The following INSL3 variants were observed in gnomAD, a reference collection of about 807,000 sequenced individuals.
INSL3 encodes the protein insulin like 3.
INSL3 carries 6 observed loss-of-function variants against 5.5 expected under a neutral mutation model. The ratio of observed to expected loss-of-function variants is 1.08; its 90% CI spans 0.59 to 2.14. The LOEUF (loss-of-function observed/expected upper bound fraction) is 2.14, where lower values mean the gene tolerates loss of function less well. Among genes scored for constraint, INSL3 ranks in the 30% most tolerant of loss-of-function variants. The pLI is 0.00. For missense variants in INSL3, 178 were observed against 184.7 expected, an observed-to-expected ratio of 0.96 and a Z score of 0.21; for synonymous variants, 86 against 82.1, an observed-to-expected ratio of 1.05 and a Z score of -0.26.
At chr19:17,818,571 G>A (rs867912326) in intron 1 of INSL3, among the ~76,000 whole-genome samples, 1 of 151,874 alleles carries the variant, frequency 6.6e-6, no homozygotes, top group Admixed American at 6.6e-5. Flanking sequence ...ACCCGAGATC[G>A]TGCCACTGCA....
chr19:17,820,486 CCT>C (rs2094193850), intron 1 of INSL3: 1 of 299,416 alleles, frequency 3.3e-6, no homozygotes, highest in African/African-American at 2.4e-5. Context: ...AGTGAGACTC[CCT>C]CTCTACGAAA....
In INSL3 at chr19:17,818,630, G is replaced by C. The variant is rs527874643; in HGVS notation, c.191-1571C>G. On this transcript the variant is annotated intron_variant, in intron 1 of 1. Coordinates refer to ENST00000317306, the MANE Select transcript of INSL3 (RefSeq NM_005543.4). ...GACTGTCTCAAAAGAAAAAAAAAAG[G>C]ACTTATGAAAATTTAGAGGGTTGTT... Among the ~76,000 whole-genome samples, 51 of 151,600 alleles carry C rather than the reference G, an allele frequency of 3.4e-4. No homozygotes were observed. In the South Asian group the frequency reaches 1.0e-2, roughly 30 times the overall value.
At chr19:17,820,501 G>GAA in intron 1 of INSL3, 2 of 266,866 alleles carry the variant, frequency 7.5e-6, no homozygotes, top group East Asian at 1.5e-4. Flanking sequence ...CTACGAAAAA[G>GAA]AAAAAAAAAT....
intron 1 of INSL3, among the ~76,000 whole-genome samples, chr19:17,818,833 T>C (rs1165777214): frequency 6.6e-6 from 1 of 151,658 alleles, no homozygotes; most frequent in African/African-American, 2.4e-5. Context: ...CACCCTACAA[T>C]ATACAGGACA....
chr19:17,817,429 G>A (rs956566420), intron 1 of INSL3, among the ~76,000 whole-genome samples: 2 of 146,954 alleles, frequency 1.4e-5, no homozygotes, highest in African/African-American at 2.5e-5. Context: ...AGCTTGCAGT[G>A]AGCCGAGATC....
chr19:17,821,361 G>C lies in INSL3; in HGVS notation c.146C>G (p.Pro49Arg). ...CCTCCTGGCTTCGGTGGACCAGCGGGGGCCCCCGCACACGCGCACTAGCGC... is the reference window on the plus strand; with the variant it reads ...CCTCCTGGCTTCGGTGGACCAGCGGCGGCCCCCGCACACGCGCACTAGCGC... ...VRALVRVCGG[P>R]RWSTEARRPA... The change falls in exon 1 of 2, where the codon CCC becomes CGC. Residue 49 changes from proline to arginine, a missense_variant. Transcript: ENST00000317306. 2 of 1,548,876 alleles carry C rather than the reference G, an allele frequency of 1.3e-6. No individual in the cohort carries two copies. The highest frequency in any genetic ancestry group is 2.4e-5 in the East Asian group (1 of 40,902).
chr19:17,817,515 C>T (rs1270702399), intron 1 of INSL3, among the ~76,000 whole-genome samples: 1 of 147,946 alleles, frequency 6.8e-6, no homozygotes, highest in Non-Finnish European at 1.5e-5. Context: ...GAGCACTGGC[C>T]CGGCTCAGTG....
chr19:17,821,387 G>A lies in INSL3; in HGVS notation c.120C>T (p.Arg40=). ...REKLCGHHFV[R]ALVRVCGGPR... ...GGCCCCCGCACACGCGCACTAGCGC[G>A]CGTACGAAGTGGTGGCCGCACAACT... The change falls in exon 1 of 2, where the codon CGC becomes CGT. Residue 40 remains arginine, a synonymous_variant. Coordinates refer to ENST00000317306, the MANE Select transcript of INSL3 (RefSeq NM_005543.4). The A allele has an allele frequency of 1.3e-6, 2 of 1,548,324 alleles. No homozygotes were observed. Among genetic ancestry groups the A allele is most frequent in the Non-Finnish European group, 1.7e-6 (2 of 1,145,860 alleles).
At chr19:17,818,692 A>G (rs1284859712) in intron 1 of INSL3, among the ~76,000 whole-genome samples, 1 of 151,916 alleles carries the variant, frequency 6.6e-6, no homozygotes, top group African/African-American at 2.4e-5. Flanking sequence ...AATTGACACC[A>G]GTGGTTCTCA....
intron 1 of INSL3, 152 bp from the exon 2 acceptor site, chr19:17,817,211 C>T (rs576289092): frequency 2.1e-5 from 17 of 796,358 alleles, no homozygotes; most frequent in South Asian, 2.0e-4. Flanking sequence ...GGTGCAGTGG[C>T]TTACACCTGT....
intron 1 of INSL3, 21 bp from the exon 2 acceptor site, chr19:17,817,080 A>C: frequency 1.2e-6 from 2 of 1,608,316 alleles, no homozygotes; most frequent in Non-Finnish European, 1.7e-6. Context: ...AGTGAAACTC[A>C]GCTGGAACGG....
At position 17,821,330 on chromosome 19, in the gene INSL3, C is replaced by A. The variant is rs773578344; in HGVS notation, c.177G>T (p.Ala59=). 3 of 1,547,982 alleles carry A rather than the reference C, an allele frequency of 1.9e-6. No individual in the cohort carries two copies. In the South Asian group the frequency reaches 3.6e-5, roughly 18 times the overall value. ...GTCCCCACTCACGGTCGCCTCCGGT[C>A]GCAGGCCTCCTGGCTTCGGTGGACC... ...PRWSTEARRP[A]TGGDRELLQW... Residue 59 remains alanine, a synonymous_variant, in exon 1 of 2, where the codon GCG becomes GCT. Coordinates refer to ENST00000317306, the MANE Select transcript of INSL3 (RefSeq NM_005543.4).
At chr19:17,819,655 C>T (rs1244010172) in intron 1 of INSL3, among the ~76,000 whole-genome samples, 1 of 152,028 alleles carries the variant, frequency 6.6e-6, no homozygotes, top group African/African-American at 2.4e-5. Context: ...TCCTTGCTAA[C>T]ATGGTGAAAC....
Position 17,816,584 on chromosome 19 carries a change from G to T in INSL3, c.*270C>A, listed in dbSNP as rs2094188032. The T allele has an allele frequency of 3.7e-6, 2 of 542,850 alleles. No individual in the cohort carries two copies. Among genetic ancestry groups the T allele is most frequent in the South Asian group, 2.0e-5 (1 of 48,828 alleles). The allele number at this position is 542,850 out of a possible 1,614,324, so 33.6% of individuals were successfully genotyped here. On this transcript the variant is annotated 3_prime_UTR_variant, in exon 2 of 2. Coordinates refer to ENST00000317306, the MANE Select transcript of INSL3 (RefSeq NM_005543.4). ...ACACATGCAGGGAGCGGAGCGTCTG[G>T]GGCTCCCCTGGAGTGAGGACATTTG...
Position 17,821,489 on chromosome 19 carries a change from G to C in INSL3, c.18C>G (p.Pro6=), listed in dbSNP as rs970345817. Residue 6 remains proline (P), a synonymous_variant, in exon 1 of 2, where the codon CCC becomes CCG. Coordinates refer to ENST00000317306, the MANE Select transcript of INSL3 (RefSeq NM_005543.4). MDPRL[P]AWALVLLGPA... is the part of the protein sequence containing the mutation. ...GGCCCAGCAGCACCAGCGCCCAGGC[G>C]GGCAGACGGGGGTCCATGGTGGTGG... The C allele has an allele frequency of 6.7e-7, 1 of 1,496,898 alleles. No individual in the cohort carries two copies. Among genetic ancestry groups the C allele is most frequent in the Non-Finnish European group, 8.9e-7 (1 of 1,119,204 alleles). 92.7% of individuals were successfully genotyped at this position (1,496,898 alleles called of 1,614,324 possible). A position where few individuals can be genotyped will look rare whatever the true frequency, so the allele number is the denominator to read the frequency against.
At chr19:17,820,697 A>G (rs111594717) in intron 1 of INSL3, among the ~76,000 whole-genome samples, 19 of 152,254 alleles carry the variant, frequency 1.2e-4, no homozygotes, top group African/African-American at 4.1e-4. Context: ...GCAAAAATTC[A>G]TGAAGATCAA....
intron 1 of INSL3, among the ~76,000 whole-genome samples, chr19:17,819,522 G>T (rs1477569348): frequency 6.6e-6 from 1 of 152,132 alleles, no homozygotes; most frequent in African/African-American, 2.4e-5. Context: ...GGCTGAGGCG[G>T]GCAGATCACC....
chr19:17,816,778 G>T lies in INSL3; in HGVS notation c.*76C>A, dbSNP rs2094188335. The T allele has an allele frequency of 5.7e-6, 8 of 1,397,760 alleles. No individual in the cohort carries two copies. The highest frequency in any genetic ancestry group is 8.1e-6 in the Non-Finnish European group (8 of 990,416). The allele number at this position is 1,397,760 out of a possible 1,614,324, so 86.6% of individuals were successfully genotyped here. On this transcript the variant is annotated 3_prime_UTR_variant, in exon 2 of 2. Coordinates refer to ENST00000317306, the MANE Select transcript of INSL3 (RefSeq NM_005543.4). The stretch of plus-strand genomic sequence containing the variant: ...GCCTGTAGATGCGAGACTTTATGGT[G>T]CTGTGTGGCCTCAGGAGCTCACCAG...
Position 17,816,810 on chromosome 19 carries a change from C to A in INSL3, c.*44G>T. On this transcript the variant is annotated 3_prime_UTR_variant, in exon 2 of 2. Coordinates refer to ENST00000317306, the MANE Select transcript of INSL3 (RefSeq NM_005543.4). ...GGCCTCAGGAGCTCACCAGACCAGA[C>A]CCTCTGGGCCTCAGGCCACTCTGAG... 1.3e-6 allele frequency: 2 copies of A among 1,593,006 alleles called. No homozygotes were observed. The highest frequency in any genetic ancestry group is 1.7e-6 in the Non-Finnish European group (2 of 1,163,032).
Sources: allele counts gnomAD v4.1 joint callset (sites outside exome capture counted in the v4.1 genomes callset), GRCh38; gene constraint gnomAD v4.1.1; transcripts MANE v1.5; gene names NCBI Gene and HGNC (gene_info 2026-07-23, HGNC 2026-07-21).